Variants in AK5 observed in about 807,000 individuals in gnomAD.
AK5 encodes the protein adenylate kinase 5, also known as adenylate kinase isoenzyme 5.
Under a neutral mutation model 69.5 loss-of-function variants are expected in AK5, and 27 were observed. The observed-to-expected ratio is 0.39, with a 90% CI of 0.29 to 0.54. The LOEUF (loss-of-function observed/expected upper bound fraction) is 0.54, where lower values mean the gene tolerates loss of function less well. Ranked by LOEUF, AK5 falls within the 20% of genes least tolerant of loss-of-function variation. The pLI, the probability that AK5 is intolerant of heterozygous loss-of-function variation, is 0.71. For synonymous variants in AK5, 260 were observed against 244.4 expected, an observed-to-expected ratio of 1.06 and a Z score of -0.60; for missense variants, 531 against 700.4, an observed-to-expected ratio of 0.76 and a Z score of 2.73.
chr1:77,304,148 C>T (rs75301697), intron 5 of AK5, among the ~76,000 whole-genome samples: 2,217 of 152,212 alleles, frequency 0.015, 57 homozygotes, highest in African/African-American at 0.05. Flanking sequence ...CTCCACCCCC[C>T]GACACATCCG....
intron 1 of AK5, among the ~76,000 whole-genome samples, chr1:77,286,353 C>T (rs1394007596): frequency 6.7e-6 from 1 of 149,758 alleles, no homozygotes; most frequent in Non-Finnish European, 1.5e-5. Flanking sequence ...GTGAATGGCT[C>T]TTCCATTTTA....
At chr1:77,345,077 T>C (rs1160550951) in intron 6 of AK5, among the ~76,000 whole-genome samples, 2 of 152,130 alleles carry the variant, frequency 1.3e-5, no homozygotes, top group African/African-American at 4.8e-5. Flanking sequence ...GATGTTCTAT[T>C]CAGCCAGAAA....
chr1:77,423,346 C>G (rs1283555509), intron 8 of AK5, among the ~76,000 whole-genome samples: 1 of 150,896 alleles, frequency 6.6e-6, no homozygotes, highest in Non-Finnish European at 1.5e-5. Flanking sequence ...TATGACTGAA[C>G]TTTTCAAGAT....
chr1:77,435,649 A>C (rs1260340920), intron 8 of AK5, among the ~76,000 whole-genome samples: 2 of 151,884 alleles, frequency 1.3e-5, no homozygotes, highest in Non-Finnish European at 2.9e-5. Flanking sequence ...TGTCTCAAAA[A>C]AAAAAAAAAA....
chr1:77,326,989 A>T (rs1292903556), intron 5 of AK5, among the ~76,000 whole-genome samples: 1 of 152,230 alleles, frequency 6.6e-6, no homozygotes, highest in Admixed American at 6.5e-5. Context: ...TTGTGTTCAC[A>T]TACCAATAAC....
chr1:77,445,641 G>A (rs1003812740), intron 8 of AK5, among the ~76,000 whole-genome samples: 8 of 152,150 alleles, frequency 5.3e-5, no homozygotes, highest in African/African-American at 1.9e-4. Context: ...CTGGAGTGCA[G>A]TGGCATGATC....
chr1:77,525,033 A>G (rs1658196234), intron 12 of AK5, among the ~76,000 whole-genome samples: 1 of 152,142 alleles, frequency 6.6e-6, no homozygotes, highest in Non-Finnish European at 1.5e-5. Context: ...CAGCCTCCCA[A>G]GTAGCTGGGA....
intron 10 of AK5, among the ~76,000 whole-genome samples, chr1:77,494,506 C>T (rs1424537118): frequency 1.3e-5 from 2 of 152,102 alleles, no homozygotes; most frequent in Non-Finnish European, 2.9e-5. Context: ...TGGGCCAACC[C>T]CTTATCTCCT....
intron 10 of AK5, among the ~76,000 whole-genome samples, chr1:77,501,806 T>C (rs953473386): frequency 2.6e-5 from 4 of 152,128 alleles, no homozygotes; most frequent in African/African-American, 7.2e-5. Flanking sequence ...TCTAGTCTTC[T>C]CCAAAGAAGA....
At chr1:77,465,682 G>A (rs1039792453) in intron 8 of AK5, among the ~76,000 whole-genome samples, 1 of 152,170 alleles carries the variant, frequency 6.6e-6, no homozygotes, top group Non-Finnish European at 1.5e-5. Context: ...TGTATCAGAA[G>A]GGTAAGTGGG....
At chr1:77,545,652 G>A (rs1245604251) in intron 13 of AK5, among the ~76,000 whole-genome samples, 1 of 152,154 alleles carries the variant, frequency 6.6e-6, no homozygotes, top group African/African-American at 2.4e-5. Flanking sequence ...GTTGCCCTGG[G>A]AAGAGTTCTT....
At chr1:77,305,963 C>T (rs1254471923) in intron 5 of AK5, among the ~76,000 whole-genome samples, 1 of 150,450 alleles carries the variant, frequency 6.6e-6, no homozygotes, top group Non-Finnish European at 1.5e-5. Flanking sequence ...ATTGATTCTT[C>T]CAATCCATGA....
intron 1 of AK5, among the ~76,000 whole-genome samples, chr1:77,285,339 C>G (rs937237439): frequency 2.0e-5 from 3 of 151,760 alleles, no homozygotes; most frequent in African/African-American, 7.2e-5. Context: ...ATTGGATGCC[C>G]GGGTAATTTT....
chr1:77,308,702 A>G (rs890443071), intron 5 of AK5, among the ~76,000 whole-genome samples: 1 of 152,178 alleles, frequency 6.6e-6, no homozygotes, highest in Non-Finnish European at 1.5e-5. Context: ...GGGAGGTTTT[A>G]TTAACCAAGC....
intron 1 of AK5, among the ~76,000 whole-genome samples, chr1:77,284,828 G>A (rs1464263820): frequency 6.6e-6 from 1 of 152,206 alleles, no homozygotes; most frequent in Non-Finnish European, 1.5e-5. Context: ...AAGGAATGGA[G>A]CTCATTGTCC....
intron 6 of AK5, among the ~76,000 whole-genome samples, chr1:77,344,686 T>C (rs1030922282): frequency 6.6e-6 from 1 of 152,184 alleles, no homozygotes; most frequent in Non-Finnish European, 1.5e-5. Flanking sequence ...TGTAAAAGTT[T>C]TTTTCAACTA....
intron 10 of AK5, among the ~76,000 whole-genome samples, chr1:77,488,643 C>T (rs1280909252): frequency 6.6e-6 from 1 of 152,196 alleles, no homozygotes; most frequent in African/African-American, 2.4e-5. Context: ...CAGTCCGAGT[C>T]GCAAAACTGA....
At chr1:77,474,947 G>T (rs1348150623) in intron 8 of AK5, among the ~76,000 whole-genome samples, 1 of 151,766 alleles carries the variant, frequency 6.6e-6, no homozygotes, top group Non-Finnish European at 1.5e-5. Flanking sequence ...TGAAACTATA[G>T]GTGTGCACCA....
At chr1:77,545,128 G>A (rs547975587) in intron 13 of AK5, among the ~76,000 whole-genome samples, 129 of 152,222 alleles carry the variant, frequency 8.5e-4, no homozygotes, top group African/African-American at 1.1e-3. Context: ...CCACACGCCC[G>A]CAATTAACAA....
Sources: gnomAD v4.1 joint callset for allele counts (sites outside exome capture counted in the v4.1 genomes callset) on GRCh38, gnomAD v4.1.1 for gene constraint, MANE v1.5 for transcripts, NCBI Gene and HGNC (gene_info 2026-07-23, HGNC 2026-07-21) for gene names.